The following PCDH7 variants were observed in gnomAD, a reference collection of about 807,000 sequenced individuals.
PCDH7 encodes protocadherin 7, also known as protocadherin-7.
A neutral mutation model predicts 58.9 loss-of-function variants in PCDH7; 17 were observed. The observed-to-expected ratio is 0.29, with a 90% CI of 0.20 to 0.43. The LOEUF is 0.43. PCDH7 is among the 20% of genes least tolerant of loss of function. The pLI, the probability that PCDH7 is intolerant of heterozygous loss-of-function variation, is 1.00. For synonymous variants in PCDH7, 664 were observed against 616.4 expected, an observed-to-expected ratio of 1.08 and a Z score of -1.14; for missense variants, 1,274 against 1,441.0, an observed-to-expected ratio of 0.88 and a Z score of 1.88.
chr4:30,953,452 A>C (rs907582787), intron 3 of PCDH7, among the ~76,000 whole-genome samples: 2 of 151,836 alleles, frequency 1.3e-5, no homozygotes, highest in East Asian at 3.9e-4. Context: ...TCATTTTCTC[A>C]TTTGGTGAAA....
At chr4:30,857,990 A>C (rs915152620) in intron 1 of PCDH7, among the ~76,000 whole-genome samples, 1 of 152,198 alleles carries the variant, frequency 6.6e-6, no homozygotes, top group Admixed American at 6.5e-5. Context: ...TAAGTAAAGA[A>C]TAAAAATAAG....
intron 3 of PCDH7, among the ~76,000 whole-genome samples, chr4:31,113,435 C>G (rs1391587515): frequency 6.6e-6 from 1 of 152,070 alleles, no homozygotes; most frequent in East Asian, 1.9e-4. Flanking sequence ...CTATACTTAA[C>G]CAGAATATAA....
intron 1 of PCDH7, among the ~76,000 whole-genome samples, chr4:30,749,717 G>A (rs569023834): frequency 3.3e-5 from 5 of 152,174 alleles, no homozygotes; most frequent in African/African-American, 9.6e-5. Context: ...TATTTTATCC[G>A]AAACCAGTGA....
At chr4:31,048,250 T>C (rs1756445864) in intron 3 of PCDH7, among the ~76,000 whole-genome samples, 1 of 152,052 alleles carries the variant, frequency 6.6e-6, no homozygotes, top group East Asian at 1.9e-4. Context: ...AGAATATTAA[T>C]GAGAGATGTT....
At chr4:31,089,286 T>C (rs1333463807) in intron 3 of PCDH7, among the ~76,000 whole-genome samples, 2 of 152,050 alleles carry the variant, frequency 1.3e-5, no homozygotes, top group Admixed American at 1.3e-4. Context: ...TAATATAATA[T>C]ATTTTAGGAA....
chr4:30,771,952 C>A (rs73121557), intron 1 of PCDH7, among the ~76,000 whole-genome samples: 1,703 of 151,102 alleles, frequency 0.011, 39 homozygotes, highest in African/African-American at 0.04. Context: ...CTCATTGGAA[C>A]CTTCGCCTCC....
intron 3 of PCDH7, among the ~76,000 whole-genome samples, chr4:30,979,193 G>A (rs985553328): frequency 4.0e-5 from 6 of 151,870 alleles, no homozygotes; most frequent in South Asian, 2.1e-4. Flanking sequence ...GGGCGTGGTG[G>A]TGGGTGCCCG....
At chr4:30,905,256 G>C (rs190307116) in intron 1 of PCDH7, among the ~76,000 whole-genome samples, 2 of 152,016 alleles carry the variant, frequency 1.3e-5, no homozygotes, top group Admixed American at 6.6e-5. Flanking sequence ...TTCATTTTTA[G>C]TGTTTTACAT....
chr4:30,849,350 A>G (rs187867461), intron 1 of PCDH7, among the ~76,000 whole-genome samples: 19 of 149,802 alleles, frequency 1.3e-4, no homozygotes, highest in Admixed American at 1.0e-3. Context: ...AATTACCTGT[A>G]AGATCACAAC....
At chr4:30,863,230 A>T (rs1195694221) in intron 1 of PCDH7, among the ~76,000 whole-genome samples, 2 of 152,148 alleles carry the variant, frequency 1.3e-5, no homozygotes, top group Non-Finnish European at 2.9e-5. Flanking sequence ...CCAGAAAATG[A>T]TGCCTCATTT....
At chr4:30,894,504 TATATATATATATACACACACACACAC>T (rs1560476715) in intron 1 of PCDH7, among the ~76,000 whole-genome samples, 7 of 47,642 alleles carry the variant, frequency 1.5e-4, no homozygotes, top group Non-Finnish European at 2.4e-4. Context: ...TATATATATA[TATATATATATATACACACACACACAC>T]ACACACACAC....
At chr4:30,900,498 A>G (rs1051528038) in intron 1 of PCDH7, among the ~76,000 whole-genome samples, 1 of 152,204 alleles carries the variant, frequency 6.6e-6, no homozygotes, top group East Asian at 1.9e-4. Context: ...TTCTTAAAGC[A>G]CCAGGGATTT....
intron 1 of PCDH7, among the ~76,000 whole-genome samples, chr4:30,812,739 A>G (rs1727183284): frequency 6.6e-6 from 1 of 152,230 alleles, no homozygotes; most frequent in Admixed American, 6.5e-5. Context: ...TTGTATAATG[A>G]TGGGAAAACA....
At chr4:31,056,566 A>G (rs1757262574) in intron 3 of PCDH7, among the ~76,000 whole-genome samples, 1 of 147,736 alleles carries the variant, frequency 6.8e-6, no homozygotes, top group Non-Finnish European at 1.5e-5. Context: ...GAGGAAGGGA[A>G]GGGAAGAGAG....
In PCDH7 at chr4:30,723,322, G is replaced by T; in HGVS notation, c.1900G>T (p.Asp634Tyr). ...GATTGTGCAGGTGGCTGATAAAAAT[G>T]ACAATGACCCTAAGTTTATGCAGGA... Residue 634 changes from aspartate (D) to tyrosine (Y), a missense_variant, in exon 1 of 2, where the codon GAC (aspartate) becomes TAC (tyrosine). This residue lies in a region of PCDH7 where 731 missense variants were observed against 881.9 expected (regional missense o/e 0.83). Transcript: ENST00000361762. This position sits in a 1 kb window ranked among gnomAD's most constrained non-coding sequence, Gnocchi z 4.6. 6.2e-7 allele frequency: 1 copy of T among 1,614,222 alleles called. No individual in the cohort carries two copies. The highest frequency in any genetic ancestry group is 8.5e-7 in the Non-Finnish European group (1 of 1,180,040).
intron 1 of PCDH7, among the ~76,000 whole-genome samples, chr4:30,910,460 C>G (rs1419365136): frequency 6.6e-6 from 1 of 152,054 alleles, no homozygotes; most frequent in Non-Finnish European, 1.5e-5. Context: ...AGAAACTTAA[C>G]AAATTTACGA....
At chr4:30,724,929 T>C in intron 1 of PCDH7, 3 of 1,075,690 alleles carry the variant, frequency 2.8e-6, no homozygotes, top group Non-Finnish European at 3.4e-6. Context: ...ACTTAGATGG[T>C]TAGTTTTCAC....
intron 3 of PCDH7, among the ~76,000 whole-genome samples, chr4:31,070,026 C>T (rs529350779): frequency 2.0e-5 from 3 of 152,064 alleles, no homozygotes; most frequent in East Asian, 3.9e-4. Flanking sequence ...GAGAAGGTAA[C>T]TTGTCTTGTA....
At chr4:30,781,543 T>C (rs927642361) in intron 1 of PCDH7, among the ~76,000 whole-genome samples, 4 of 151,720 alleles carry the variant, frequency 2.6e-5, no homozygotes, top group Non-Finnish European at 5.9e-5. Flanking sequence ...CTCTATTTTT[T>C]TTTTTTTTTT....
Sources: allele counts gnomAD v4.1 joint callset (sites outside exome capture counted in the v4.1 genomes callset), GRCh38; gene constraint gnomAD v4.1.1; regional missense constraint gnomAD v4.1.1; non-coding constraint Gnocchi (gnomAD v3.1); transcripts MANE v1.5; gene names NCBI Gene and HGNC (gene_info 2026-07-23, HGNC 2026-07-21).